SYNC: variants seen among roughly 807,000 people sequenced by gnomAD.
The protein encoded by SYNC is syncoilin, intermediate filament protein.
Under a neutral mutation model 49.5 loss-of-function variants are expected in SYNC, and 38 were observed. That is an observed-to-expected ratio of 0.77 (90% CI 0.59 to 1.01). The LOEUF (loss-of-function observed/expected upper bound fraction) is 1.01. Ranked by LOEUF, SYNC falls within the 50% of genes least tolerant of loss-of-function variation. The pLI is 0.00. For synonymous variants in SYNC, 201 were observed against 230.8 expected, an observed-to-expected ratio of 0.87 and a Z score of 1.17; for missense variants, 579 against 580.6, an observed-to-expected ratio of 1.00 and a Z score of 0.03.
chr1:32,692,851 A>C (rs950562968), intron 2 of SYNC, among the ~76,000 whole-genome samples: 2 of 151,772 alleles, frequency 1.3e-5, no homozygotes, highest in Non-Finnish European at 2.9e-5. Flanking sequence ...CTAAAATACA[A>C]AAAATTAGCT....
At chr1:32,690,266 T>C (rs1157280268) in intron 2 of SYNC, among the ~76,000 whole-genome samples, 1 of 152,218 alleles carries the variant, frequency 6.6e-6, no homozygotes, top group African/African-American at 2.4e-5. Context: ...AAACAATCCT[T>C]GGGAAGATGC....
rs1468257739 is a variant in SYNC, at chr1:32,684,342, C to G, written c.1274G>C (p.Arg425Thr). Residue 425 changes from arginine (R) to threonine (T), a missense_variant, in exon 3 of 5, where the codon AGA becomes ACA. By Grantham distance (71) the Arg-to-Thr change is moderately conservative. Coordinates refer to ENST00000409190, the MANE Select transcript of SYNC (RefSeq NM_030786.3). ...CTGTTGCTGGAGTTGCACCCCATTT[C>G]TTAACTGCCTCTGGCGTTCTTCCAT... ...EEMEERQRQL[R>T]NGVQLQQQKN... 1 of 1,614,210 alleles carries G rather than the reference C, an allele frequency of 6.2e-7. No individual in the cohort carries two copies. Among genetic ancestry groups the G allele is most frequent in the Non-Finnish European group, 8.5e-7 (1 of 1,180,034 alleles).
intron 2 of SYNC, chr1:32,684,739 T>C (rs1467221604): frequency 5.7e-6 from 1 of 175,796 alleles, no homozygotes; most frequent in African/African-American, 2.4e-5. Context: ...CATGTGCAGG[T>C]TTGTTAAGAT....
intron 2 of SYNC, 114 bp from the exon 3 acceptor site, chr1:32,684,496 G>A (rs1417434194): frequency 1.0e-5 from 15 of 1,457,308 alleles, no homozygotes; most frequent in Non-Finnish European, 1.2e-5. Flanking sequence ...TAGCAGTATT[G>A]AGGCTGGTAT....
At chr1:32,693,854 A>G (rs531229113) in intron 2 of SYNC, among the ~76,000 whole-genome samples, 1 of 152,364 alleles carries the variant, frequency 6.6e-6, no homozygotes, top group Non-Finnish European at 1.5e-5. Context: ...GGTTGGTGCA[A>G]AATTAATTGC....
chr1:32,694,252 A>C (rs1411833274), intron 2 of SYNC, among the ~76,000 whole-genome samples: 1 of 152,064 alleles, frequency 6.6e-6, no homozygotes, highest in Admixed American at 6.6e-5. Context: ...CCAGCTACTC[A>C]AGAGGCTGAG....
intron 2 of SYNC, among the ~76,000 whole-genome samples, chr1:32,692,455 A>AT (rs1263566251): frequency 6.6e-6 from 1 of 152,174 alleles, no homozygotes; most frequent in Non-Finnish European, 1.5e-5. Context: ...GTTTAAAAAC[A>AT]TTCAGTATTA....
chr1:32,699,633 T>C (rs1650588663), intron 1 of SYNC, among the ~76,000 whole-genome samples: 1 of 151,184 alleles, frequency 6.6e-6, no homozygotes, highest in Non-Finnish European at 1.5e-5. Flanking sequence ...GTTAACTTGC[T>C]ACAACACAGA....
intron 1 of SYNC, among the ~76,000 whole-genome samples, chr1:32,701,543 C>T (rs1650669833): frequency 6.6e-6 from 1 of 152,224 alleles, no homozygotes; most frequent in Non-Finnish European, 1.5e-5. Flanking sequence ...AAAACCCAGG[C>T]CTCCTGACCT....
In SYNC at chr1:32,681,811, T is replaced by A; in HGVS notation, c.*39A>T. On this transcript the variant is annotated 3_prime_UTR_variant, in exon 5 of 5. Transcript: ENST00000409190. ...ACTTAGTGATCCTTTGCTAAGAAGTTTTTTGCTGTTTCCGGGTTACAGATT... is the reference window on the plus strand; with the variant it reads ...ACTTAGTGATCCTTTGCTAAGAAGTATTTTGCTGTTTCCGGGTTACAGATT... 6.2e-7 allele frequency: 1 copy of A among 1,614,162 alleles called. No individual in the cohort carries two copies. The highest frequency in any genetic ancestry group is 8.5e-7 in the Non-Finnish European group (1 of 1,180,020).
At chr1:32,698,090 G>A (rs1650510378) in intron 1 of SYNC, among the ~76,000 whole-genome samples, 1 of 151,784 alleles carries the variant, frequency 6.6e-6, no homozygotes, top group Non-Finnish European at 1.5e-5. Flanking sequence ...GGGCATGATG[G>A]TGCATGCCTG....
At chr1:32,683,715 C>T in intron 4 of SYNC, 2 of 309,046 alleles carry the variant, frequency 6.5e-6, no homozygotes, top group South Asian at 7.2e-5. Flanking sequence ...CTCACTGCAA[C>T]CTCTGCCTCC....
At chr1:32,683,494 G>A (rs976987349) in intron 4 of SYNC, 2 of 152,554 alleles carry the variant, frequency 1.3e-5, no homozygotes, top group East Asian at 1.9e-4. Flanking sequence ...CAGAATTCAT[G>A]GTGATAATCA....
At chr1:32,693,414 A>G (rs2148557746) in intron 2 of SYNC, among the ~76,000 whole-genome samples, 1 of 152,340 alleles carries the variant, frequency 6.6e-6, no homozygotes, top group Middle Eastern at 3.4e-3. Context: ...AACTACAGAA[A>G]GCTTGACAAA....
intron 4 of SYNC, chr1:32,683,371 A>G (rs1026217718): frequency 6.6e-6 from 1 of 152,026 alleles, no homozygotes; most frequent in African/African-American, 2.4e-5. Context: ...ATGGATAGAT[A>G]TGTTTATTAT....
chr1:32,689,235 C>CCTTTTTTTT (rs1650041119), intron 2 of SYNC, among the ~76,000 whole-genome samples: 1 of 41,520 alleles, frequency 2.4e-5, no homozygotes, highest in African/African-American at 6.8e-5. Context: ...CTCGCCTGGC[C>CCTTTTTTTT]TTTTTTTTTT....
chr1:32,693,304 A>C (rs1650257922), intron 2 of SYNC, among the ~76,000 whole-genome samples: 1 of 152,086 alleles, frequency 6.6e-6, no homozygotes, highest in Admixed American at 6.6e-5. Flanking sequence ...ACTTGTCTCA[A>C]ACTACTGACC....
rs1357128133 is a variant in SYNC, at chr1:32,681,521, T to G, written c.*329A>C. 2 of 359,686 alleles carry G rather than the reference T, an allele frequency of 5.6e-6. No individual in the cohort carries two copies. The highest frequency in any genetic ancestry group is 2.1e-5 in the African/African-American group (1 of 47,744). The allele number at this position is 359,686 out of a possible 1,614,324, so 22.3% of individuals were successfully genotyped here. On this transcript the variant is annotated 3_prime_UTR_variant, in exon 5 of 5. Coordinates refer to ENST00000409190, the MANE Select transcript of SYNC (RefSeq NM_030786.3). ...ATACATTCTTTAAAATACTCCCAGA[T>G]GTGTCCATACATTCATCCTTCACTC... is the stretch of plus-strand genomic sequence containing the variant.
At chr1:32,699,961 T>C (rs1429969593) in intron 1 of SYNC, among the ~76,000 whole-genome samples, 1 of 151,730 alleles carries the variant, frequency 6.6e-6, no homozygotes, top group Non-Finnish European at 1.5e-5. Context: ...CTCGAACTCC[T>C]GACCTCATGA....
Sources: allele counts gnomAD v4.1 joint callset (sites outside exome capture counted in the v4.1 genomes callset), GRCh38; gene constraint gnomAD v4.1.1; transcripts MANE v1.5; gene names NCBI Gene and HGNC (gene_info 2026-07-23, HGNC 2026-07-21).